The following SRCAP variants were observed in gnomAD, a reference collection of about 807,000 sequenced individuals.
The protein encoded by SRCAP is chromatin remodeling protein SRCAP.
SRCAP carries 46 observed loss-of-function variants against 263.1 expected under a neutral mutation model. That is an observed-to-expected ratio of 0.17 (90% CI 0.14 to 0.22). The LOEUF (loss-of-function observed/expected upper bound fraction) is 0.22, where lower values mean the gene tolerates loss of function less well. Among genes scored for constraint, SRCAP ranks in the 10% least tolerant of loss-of-function variants. The pLI is 1.00. For missense variants in SRCAP, 3,695 were observed against 4,181.9 expected (o/e 0.88, Z 3.21); for synonymous variants, 1,813 against 1,662.1 (o/e 1.09, Z -2.21).
intron 25 of SRCAP, among the ~76,000 whole-genome samples, chr16:30,726,937 G>T (rs2053070219): frequency 1.3e-5 from 2 of 152,114 alleles, no homozygotes; most frequent in African/African-American, 2.4e-5. Flanking sequence ...CCTGACCTCA[G>T]GTGATCCGCC....
In SRCAP at chr16:30,721,432, C is replaced by T; in HGVS notation, c.3497C>T (p.Pro1166Leu). The change falls in exon 21 of 34, where the codon CCA (proline) becomes CTA (leucine). Residue 1166 changes from proline (P) to leucine (L), a missense_variant. Around this residue, in one of 12 missense-constraint regions of SRCAP, gnomAD observed 1,347 missense variants for 1,304.4 expected, o/e 1.03. Transcript: ENST00000262518. ...TTAVPAPTPAPQRLILSPDMQ... is the reference protein window; with the variant it reads ...TTAVPAPTPALQRLILSPDMQ... ...GCAGTGCCAGCTCCGACTCCTGCAC[C>T]ACAGCGCCTCATTCTATCTCCCGAT... is the stretch of plus-strand genomic sequence containing the variant. The T allele has an allele frequency of 6.2e-7, 1 of 1,612,892 alleles. No homozygotes were observed. The highest frequency in any genetic ancestry group is 8.5e-7 in the Non-Finnish European group (1 of 1,180,042).
chr16:30,720,732 A>G lies in SRCAP; in HGVS notation c.3007A>G (p.Lys1003Glu). 8 of 1,608,166 alleles carry G rather than the reference A, an allele frequency of 5.0e-6. No homozygotes were observed. Among genetic ancestry groups the G allele is most frequent in the Non-Finnish European group, 6.8e-6 (8 of 1,176,438 alleles). Residue 1003 changes from lysine to glutamate, a missense_variant, in exon 20 of 34, where the codon AAG (lysine) becomes GAG (glutamate). By Grantham distance (56) the Lys-to-Glu change is moderately conservative. This residue lies in a region of SRCAP where 1,347 missense variants were observed against 1,304.4 expected (regional missense o/e 1.03). Coordinates refer to ENST00000262518, the MANE Select transcript of SRCAP (RefSeq NM_006662.3). Reference protein sequence around the residue: ...KVNRMLQPVPKQEGRTVVVVN... With the variant: ...KVNRMLQPVPEQEGRTVVVVN... ...TCACAGGATGCTGCAGCCAGTACCT[A>G]AGCAAGAAGGCCGGACAGTGGTGGT...
intron 25 of SRCAP, among the ~76,000 whole-genome samples, chr16:30,728,135 T>G (rs1484038939): frequency 6.6e-6 from 1 of 152,144 alleles, no homozygotes; most frequent in African/African-American, 2.4e-5. Flanking sequence ...GGAAGGAGAT[T>G]TGGAACACTC....
At chr16:30,700,232 T>C (rs1349714304) in intron 2 of SRCAP, among the ~76,000 whole-genome samples, 1 of 152,232 alleles carries the variant, frequency 6.6e-6, no homozygotes, top group African/African-American at 2.4e-5. Context: ...GACTGTGGAT[T>C]GAAGCCCTCC....
Position 30,739,830 on chromosome 16 carries a change from G to T in SRCAP, c.*97G>T. 1.4e-6 allele frequency: 2 copies of T among 1,418,338 alleles called. No homozygotes were observed. The highest frequency in any genetic ancestry group is 5.3e-5 in the East Asian group (2 of 37,832). The allele number at this position is 1,418,338 out of a possible 1,614,324, so 87.9% of individuals were successfully genotyped here. A position where few individuals can be genotyped will look rare whatever the true frequency, so the allele number is the denominator to read the frequency against. On this transcript the variant is annotated 3_prime_UTR_variant, in exon 34 of 34. Transcript: ENST00000262518. The stretch of plus-strand genomic sequence containing the variant: ...ACTACTTGAAGTCTTGAGGGGGAAA[G>T]CCTCCAGGGAGACATAGGGGCCTTC...
intron 16 of SRCAP, 61 bp downstream of exon 16, chr16:30,713,772 T>TG: frequency 6.6e-7 from 1 of 1,521,782 alleles, no homozygotes; most frequent in Non-Finnish European, 9.0e-7. Context: ...CCTGAGCACC[T>TG]GGGCAGTGCC....
chr16:30,718,226 G>C (rs1156594755), intron 18 of SRCAP, among the ~76,000 whole-genome samples: 1 of 152,026 alleles, frequency 6.6e-6, no homozygotes, highest in Non-Finnish European at 1.5e-5. Context: ...GCCCAGGCTA[G>C]AGTGCAATGG....
At position 30,737,547 on chromosome 16, in the gene SRCAP, C is replaced by T. The variant is rs868671814; in HGVS notation, c.7507C>T (p.Pro2503Ser). 2 of 1,613,248 alleles carry T rather than the reference C, an allele frequency of 1.2e-6. No homozygotes were observed. Among genetic ancestry groups the T allele is most frequent in the Admixed American group, 1.7e-5 (1 of 60,030 alleles). ...TTCTTCTCCTGCCTGCACCCCTCCT[C>T]CTGCCTGTACCCCTCCACCAGCTCA... ...PCSSPACTPP[P>S]ACTPPPAHTP... Residue 2503 changes from proline to serine, a missense_variant, in exon 34 of 34, where the codon CCT becomes TCT. Physicochemically the swap from Pro to Ser is moderately conservative, Grantham distance 74. This residue lies in a region of SRCAP where 1,207 missense variants were observed against 1,142.9 expected (regional missense o/e 1.06). Transcript: ENST00000262518.
intron 3 of SRCAP, among the ~76,000 whole-genome samples, chr16:30,702,581 C>CCCTCCCTT (rs1281193410): frequency 3.2e-5 from 4 of 125,626 alleles, no homozygotes; most frequent in Non-Finnish European, 6.8e-5. Context: ...CTCCCTCCCT[C>CCCTCCCTT]CCTCCCTTCC....
Position 30,729,527 on chromosome 16 carries a change from A to G in SRCAP, c.6082A>G (p.Met2028Val), listed in dbSNP as rs147650424. 1.5e-4 allele frequency: 241 copies of G among 1,614,064 alleles called. No individual in the cohort carries two copies. The highest frequency in any genetic ancestry group is 1.9e-4 in the Non-Finnish European group (229 of 1,180,050). The change falls in exon 27 of 34, where the codon ATG becomes GTG. Residue 2028 changes from methionine (M) to valine (V), a missense_variant. By Grantham distance (21) the Met-to-Val change is conservative. Around this residue, in one of 12 missense-constraint regions of SRCAP, gnomAD observed 138 missense variants for 254.9 expected, o/e 0.54. Coordinates refer to ENST00000262518, the MANE Select transcript of SRCAP (RefSeq NM_006662.3). Reference sequence around the variant, plus strand: ...TCCTTTGCACCGTATTGTGTGTAACATGCGCACCCAGTTCCCTGACTTAAG... The same window carrying G: ...TCCTTTGCACCGTATTGTGTGTAACGTGCGCACCCAGTTCCCTGACTTAAG... ...ARPLHRIVCN[M>V]RTQFPDLRLI...
chr16:30,699,980 A>C lies in SRCAP; in HGVS notation c.-211A>C, dbSNP rs900478867. 6.6e-6 allele frequency: 1 copy of C among 152,392 alleles called. No homozygotes were observed. Among genetic ancestry groups the C allele is most frequent in the East Asian group, 1.9e-4 (1 of 5,196 alleles). 9.4% of individuals were successfully genotyped at this position (152,392 alleles called of 1,614,324 possible). ...CAGGGGGTGTGGTCTCAGCTCACAC[A>C]GGTGAGGGATCTGCTACCATTTTGT... On this transcript the variant is annotated splice_region_variant and 5_prime_UTR_variant, in exon 2 of 34. Coordinates refer to ENST00000262518, the MANE Select transcript of SRCAP (RefSeq NM_006662.3).
In SRCAP at chr16:30,738,531, A is replaced by G; in HGVS notation, c.8491A>G (p.Ile2831Val). 1.2e-6 allele frequency: 2 copies of G among 1,612,176 alleles called. No individual in the cohort carries two copies. The change falls in exon 34 of 34, where the codon ATT (isoleucine) becomes GTT (valine). Residue 2831 changes from isoleucine to valine, a missense_variant. Ile to Val is a conservative substitution (Grantham distance 29, BLOSUM62 3). Transcript: ENST00000262518. ...PQQPFIARRHIELGVTGGGSP... is the reference protein window; with the variant it reads ...PQQPFIARRHVELGVTGGGSP... ...GCAGCCCTTCATTGCTCGCCGTCAC[A>G]TTGAGCTGGGGGTGACTGGTGGTGG...
chr16:30,733,573 G>A lies in SRCAP; in HGVS notation c.6298-29G>A, dbSNP rs1336614537. 4 of 1,605,138 alleles carry A rather than the reference G, an allele frequency of 2.5e-6. No homozygotes were observed. In the East Asian group the frequency reaches 6.7e-5, roughly 27 times the overall value. On this transcript the variant is annotated intron_variant, in intron 28 of 33. Coordinates refer to ENST00000262518, the MANE Select transcript of SRCAP (RefSeq NM_006662.3). The surrounding 1 kb of genome is among the most constrained non-coding windows in gnomAD (Gnocchi z 5.3). ...CCTGTTTTGGGGGATAAGTCTCCCA[G>A]TATCATCTTTTTTTCCCTTTCCTTC... is the stretch of plus-strand genomic sequence containing the variant.
At chr16:30,712,841 C>A (rs1429518198) in intron 14 of SRCAP, 26 bp downstream of exon 14, 1 of 1,611,662 alleles carries the variant, frequency 6.2e-7, no homozygotes, top group South Asian at 1.1e-5. Context: ...TGGTCACTTT[C>A]CTCCCATTGA....
intron 3 of SRCAP, among the ~76,000 whole-genome samples, chr16:30,703,852 G>A (rs910183228): frequency 2.0e-5 from 3 of 152,204 alleles, no homozygotes; most frequent in Non-Finnish European, 4.4e-5. Flanking sequence ...AGCCGAGATC[G>A]CGCCACTGCA....
chr16:30,738,611 A>G lies in SRCAP; in HGVS notation c.8571A>G (p.Lys2857=). 1 of 1,602,926 alleles carries G rather than the reference A, an allele frequency of 6.2e-7. No individual in the cohort carries two copies. The highest frequency in any genetic ancestry group is 8.5e-7 in the Non-Finnish European group (1 of 1,174,064). Residue 2857 remains lysine, a synonymous_variant, in exon 34 of 34, where the codon AAA becomes AAG. Transcript: ENST00000262518. ...TCGCCATCACCCCACCTGCTGTGAA[A>G]CGTCGGAGGGGGAGGCCCCCCAAGA... The part of the protein sequence containing the change: ...ALLAITPPAV[K]RRRGRPPKKN...
intron 25 of SRCAP, among the ~76,000 whole-genome samples, chr16:30,728,088 G>A (rs1431168563): frequency 6.6e-6 from 1 of 152,140 alleles, no homozygotes; most frequent in Non-Finnish European, 1.5e-5. Flanking sequence ...CTCACATAGA[G>A]CACTTCAAGC....
chr16:30,724,926 T>C lies in SRCAP; in HGVS notation c.5502T>C (p.Pro1834=). The change falls in exon 25 of 34, where the codon CCT becomes CCC. Residue 1834 remains proline, a synonymous_variant. Transcript: ENST00000262518. ...CGGCATCTGGTGCCGCTCCCTTGCC[T>C]GTCACCATGGTATCCCGGCTGCCTG... ...VVSASGAAPL[P]VTMVSRLPVS... is the part of the protein sequence containing the mutation. The C allele has an allele frequency of 2.5e-6, 4 of 1,614,248 alleles. No homozygotes were observed. Among genetic ancestry groups the C allele is most frequent in the East Asian group, 2.2e-5 (1 of 44,888 alleles).
In SRCAP at chr16:30,739,524, C is replaced by T. The variant is rs748378196; in HGVS notation, c.9484C>T (p.Pro3162Ser). The change falls in exon 34 of 34, where the codon CCC becomes TCC. Residue 3162 changes from proline to serine, a missense_variant. Pro to Ser is a moderately conservative substitution (Grantham distance 74). Transcript: ENST00000262518. ...AKRGRLQPPSPLGPEGSVEES... is the reference protein window; with the variant it reads ...AKRGRLQPPSSLGPEGSVEES... ...GCGGGGCCGCCTACAGCCCCCAAGT[C>T]CCCTGGGGCCTGAGGGTTCAGTAGA... 1.2e-5 allele frequency: 19 copies of T among 1,611,964 alleles called. No homozygotes were observed. The highest frequency in any genetic ancestry group is 6.8e-6 in the Non-Finnish European group (8 of 1,179,114).
Sources: gnomAD v4.1 joint callset for allele counts (sites outside exome capture counted in the v4.1 genomes callset) on GRCh38, gnomAD v4.1.1 for gene constraint, gnomAD v4.1.1 regional missense constraint, Gnocchi (gnomAD v3.1) non-coding constraint, MANE v1.5 for transcripts, NCBI Gene and HGNC (gene_info 2026-07-23, HGNC 2026-07-21) for gene names.